The following SAR1B variants were observed in gnomAD, a reference collection of about 807,000 sequenced individuals.
SAR1B encodes small COPII coat GTPase SAR1B.
SAR1B carries 23 observed loss-of-function variants against 26.8 expected under a neutral mutation model. The observed-to-expected ratio is 0.86, with a 90% CI of 0.62 to 1.22. The LOEUF is 1.22. Among genes scored for constraint, SAR1B ranks in the 50% most tolerant of loss-of-function variants. The probability of loss-of-function intolerance (pLI) is 0.00; values close to 1 mark genes in which losing one functional copy is unlikely to be tolerated. For missense variants in SAR1B, 196 were observed against 232.8 expected (o/e 0.84, Z 1.03); for synonymous variants, 65 against 80.8 (o/e 0.80, Z 1.05).
chr5:134,610,596 A>G (rs1443376073), intron 4 of SAR1B, among the ~76,000 whole-genome samples: 1 of 138,024 alleles, frequency 7.2e-6, no homozygotes. Context: ...AAAAAAAATT[A>G]GAAAGTGTGG....
Position 134,604,279 on chromosome 5 carries a change from G to A in SAR1B, c.*2671C>T, listed in dbSNP as rs1037673448. On this transcript the variant is annotated 3_prime_UTR_variant, in exon 7 of 7. Transcript: ENST00000402673. ...GTGCCTGATTTGTATGTATACCACA[G>A]TGTTAACTACGCCCTAGCATCTTGC... The A allele has an allele frequency of 2.6e-5, 4 of 152,200 alleles. No individual in the cohort carries two copies. The highest frequency in any genetic ancestry group is 1.3e-4 in the Admixed American group (2 of 15,274). 9.4% of individuals were successfully genotyped at this position (152,200 alleles called of 1,614,324 possible).
Position 134,603,258 on chromosome 5 carries a change from A to T in SAR1B, c.*3692T>A, listed in dbSNP as rs1246858017. 1 of 152,226 alleles carries T rather than the reference A, an allele frequency of 6.6e-6. No homozygotes were observed. Among genetic ancestry groups the T allele is most frequent in the Admixed American group, 6.5e-5 (1 of 15,284 alleles). 9.4% of individuals were successfully genotyped at this position (152,226 alleles called of 1,614,324 possible). A position where few individuals can be genotyped will look rare whatever the true frequency, so the allele number is the denominator to read the frequency against. On this transcript the variant is annotated 3_prime_UTR_variant, in exon 7 of 7. Transcript: ENST00000402673. ...GTCAGTCATGTAAGTGACTAACAAG[A>T]CTGAAATACCACATTGAGTCACATA...
chr5:134,629,760 C>T (rs1765566117), intron 1 of SAR1B, among the ~76,000 whole-genome samples: 2 of 150,844 alleles, frequency 1.3e-5, no homozygotes, highest in Admixed American at 1.3e-4. Context: ...GTGGTAGGCA[C>T]CTGTAGTTCC....
In SAR1B at chr5:134,612,675, A is replaced by AAAAAAAT; in HGVS notation, c.244+15_244+16insATTTTTT. Reference sequence around the variant, plus strand: ...AAAAAAAAAAAAAAAAAAAAAAAAAAAAAAAAGAATCTTACCTTGAACATG... The same window carrying AAAAAAAT: ...AAAAAAAAAAAAAAAAAAAAAAAAAAAAAAAATAAAAAAGAATCTTACCTTGAACATG... On this transcript the variant is annotated intron_variant, in intron 4 of 6. Transcript: ENST00000402673. The AAAAAAAT allele has an allele frequency of 8.7e-7, 1 of 1,148,908 alleles. No homozygotes were observed. The highest frequency in any genetic ancestry group is 1.2e-6 in the Non-Finnish European group (1 of 839,626). 71.2% of individuals were successfully genotyped at this position (1,148,908 alleles called of 1,614,324 possible). A position where few individuals can be genotyped will look rare whatever the true frequency, so the allele number is the denominator to read the frequency against.
rs995214259 is a variant in SAR1B, at chr5:134,602,302, A to G, written c.*4648T>C. 2 of 152,214 alleles carry G rather than the reference A, an allele frequency of 1.3e-5. No homozygotes were observed. Among genetic ancestry groups the G allele is most frequent in the African/African-American group, 4.8e-5 (2 of 41,446 alleles). 9.4% of individuals were successfully genotyped at this position (152,214 alleles called of 1,614,324 possible). A position where few individuals can be genotyped will look rare whatever the true frequency, so the allele number is the denominator to read the frequency against. ...ATATATTAGCTATTTAATGCTCTAA[A>G]TTATAAGGACAAAAATTAATTGGTT... On this transcript the variant is annotated 3_prime_UTR_variant, in exon 7 of 7. Coordinates refer to ENST00000402673, the MANE Select transcript of SAR1B (RefSeq NM_016103.4).
chr5:134,609,116 C>G (rs1765174752), intron 5 of SAR1B: 1 of 456,832 alleles, frequency 2.2e-6, no homozygotes, highest in African/African-American at 2.0e-5. Context: ...TGTTGGGCCC[C>G]TTTACAAAAT....
At chr5:134,630,879 CTTTTTTTTTCTTTTTTTTTTTTTTT>C (rs1765590132) in intron 1 of SAR1B, among the ~76,000 whole-genome samples, 1 of 81,332 alleles carries the variant, frequency 1.2e-5, no homozygotes, top group African/African-American at 4.4e-5. Context: ...TTTTCTATTT[CTTTTTTTTTCTTTTTTTTTTTTTTT>C]TTTTTTTTTT....
In SAR1B at chr5:134,612,677, A is replaced by AAAAAAAAAAAAAAAAAAAAAAC. The variant is rs1765237131; in HGVS notation, c.244+13_244+14insGTTTTTTTTTTTTTTTTTTTTT. The AAAAAAAAAAAAAAAAAAAAAAC allele has an allele frequency of 9.5e-7, 1 of 1,054,294 alleles. No individual in the cohort carries two copies. The highest frequency in any genetic ancestry group is 1.3e-6 in the Non-Finnish European group (1 of 761,992). The allele number at this position is 1,054,294 out of a possible 1,614,324, so 65.3% of individuals were successfully genotyped here. A position where few individuals can be genotyped will look rare whatever the true frequency, so the allele number is the denominator to read the frequency against. On this transcript the variant is annotated intron_variant, in intron 4 of 6. Coordinates refer to ENST00000402673, the MANE Select transcript of SAR1B (RefSeq NM_016103.4). ...AAAAAAAAAAAAAAAAAAAAAAAAA[A>AAAAAAAAAAAAAAAAAAAAAAC]AAAAGAATCTTACCTTGAACATGTC...
Position 134,612,653 on chromosome 5 carries a change from A to T in SAR1B, c.244+38T>A. The T allele has an allele frequency of 5.4e-5, 24 of 446,984 alleles. No individual in the cohort carries two copies. In the East Asian group the frequency reaches 1.0e-3, roughly 19 times the overall value. The allele number at this position is 446,984 out of a possible 1,614,324, so 27.7% of individuals were successfully genotyped here. A position where few individuals can be genotyped will look rare whatever the true frequency, so the allele number is the denominator to read the frequency against. ...GAGTGAGCCTGTCTAAAAAAAAAAA[A>T]AAAAAAAAAAAAAAAAAAAAAAAAA... On this transcript the variant is annotated intron_variant, in intron 4 of 6. Coordinates refer to ENST00000402673, the MANE Select transcript of SAR1B (RefSeq NM_016103.4).
At chr5:134,621,771 C>G (rs2150054431) in intron 2 of SAR1B, among the ~76,000 whole-genome samples, 1 of 152,300 alleles carries the variant, frequency 6.6e-6, no homozygotes, top group East Asian at 1.9e-4. Context: ...GTGTCTTACT[C>G]TGTTGCCCAG....
At chr5:134,629,954 A>G (rs1161283648) in intron 1 of SAR1B, among the ~76,000 whole-genome samples, 1 of 152,020 alleles carries the variant, frequency 6.6e-6, no homozygotes, top group Non-Finnish European at 1.5e-5. Context: ...TAAATAGTAG[A>G]AAATTTTTAA....
At chr5:134,620,789 G>A (rs1365048967) in intron 3 of SAR1B, 144 bp downstream of exon 3, 2 of 914,204 alleles carry the variant, frequency 2.2e-6, no homozygotes, top group African/African-American at 1.6e-5. Flanking sequence ...AGGAGACAGA[G>A]GTTGCAGTGA....
rs1765107965 is a variant in SAR1B at position 134,605,355 on chromosome 5, C to G, written c.*1595G>C. ...TTAAAAATACATTTTTGGCACTTACCTTTCATCTTATATTACTAATGATGG... is the reference window on the plus strand; with the variant it reads ...TTAAAAATACATTTTTGGCACTTACGTTTCATCTTATATTACTAATGATGG... On this transcript the variant is annotated 3_prime_UTR_variant, in exon 7 of 7. Transcript: ENST00000402673. 6.6e-6 allele frequency: 1 copy of G among 151,992 alleles called. No individual in the cohort carries two copies. The allele number at this position is 151,992 out of a possible 1,614,324, so 9.4% of individuals were successfully genotyped here.
At chr5:134,626,930 G>T (rs1765503327) in intron 1 of SAR1B, among the ~76,000 whole-genome samples, 1 of 152,018 alleles carries the variant, frequency 6.6e-6, no homozygotes, top group African/African-American at 2.4e-5. Flanking sequence ...TTAAAAGGTC[G>T]ATTTTATGGT....
chr5:134,611,335 G>A (rs369690083), intron 4 of SAR1B, among the ~76,000 whole-genome samples: 5 of 152,130 alleles, frequency 3.3e-5, no homozygotes, highest in South Asian at 4.1e-4. Flanking sequence ...ACTATATGTC[G>A]CATCAGGTTT....
At chr5:134,615,606 G>T (rs1359275389) in intron 3 of SAR1B, among the ~76,000 whole-genome samples, 1 of 146,290 alleles carries the variant, frequency 6.8e-6, no homozygotes, top group African/African-American at 2.5e-5. Context: ...ACGAGGTCAG[G>T]AGATCGAGAC....
intron 5 of SAR1B, chr5:134,608,868 G>C: frequency 2.7e-6 from 1 of 368,640 alleles, no homozygotes; most frequent in Non-Finnish European, 5.3e-6. Context: ...AGGAACAGTA[G>C]CATCCACCCT....
intron 3 of SAR1B, among the ~76,000 whole-genome samples, chr5:134,615,128 C>T (rs892520991): frequency 1.4e-4 from 22 of 152,008 alleles, no homozygotes; most frequent in African/African-American, 5.3e-4. Context: ...ATGGGCAGAT[C>T]ACGAGGTCAG....
chr5:134,612,990 A>G (rs1454939580), intron 3 of SAR1B: 4 of 516,908 alleles, frequency 7.7e-6, no homozygotes, highest in Non-Finnish European at 1.0e-5. Context: ...AATTTAGCCT[A>G]AATATTTGCC....
Sources: gnomAD v4.1 joint callset for allele counts (sites outside exome capture counted in the v4.1 genomes callset) on GRCh38, gnomAD v4.1.1 for gene constraint, MANE v1.5 for transcripts, NCBI Gene and HGNC (gene_info 2026-07-23, HGNC 2026-07-21) for gene names.